MED20: variants seen among roughly 807,000 people sequenced by gnomAD.
MED20 encodes the protein mediator complex subunit 20.
In MED20, 19 loss-of-function variants were observed where a neutral mutation model predicts 19.7. The ratio of observed to expected loss-of-function variants is 0.96; its 90% CI spans 0.67 to 1.42. The LOEUF is 1.42. Among genes scored for constraint, MED20 ranks in the 40% most tolerant of loss-of-function variants. The probability of loss-of-function intolerance (pLI) is 0.00; values close to 1 mark genes in which losing one functional copy is unlikely to be tolerated. For missense variants in MED20, 225 were observed against 273.0 expected (o/e 0.82, Z 1.24); for synonymous variants, 105 against 104.8 (o/e 1.00, Z -0.01).
chr6:41,909,598 C>T, intron 2 of MED20, 76 bp from the exon 3 acceptor site: 1 of 1,567,928 alleles, frequency 6.4e-7, no homozygotes, highest in Non-Finnish European at 8.7e-7. Context: ...ATGACTCCCC[C>T]CGGAATGAGG....
chr6:41,915,558 C>G (rs1229213123), intron 2 of MED20, among the ~76,000 whole-genome samples: 3 of 152,058 alleles, frequency 2.0e-5, no homozygotes, highest in Non-Finnish European at 4.4e-5. Flanking sequence ...GAGGCCGAGG[C>G]GGGTGGATCA....
rs780272225 is a variant in MED20 at position 41,907,292 on chromosome 6, G to A, written c.424-5C>T. ...CACACAGGGGCCATACTCCACCTGG[G>A]AACCAAAAGCACAGAGAATGAGGGT... On this transcript the variant is annotated splice_region_variant and splice_polypyrimidine_tract_variant and intron_variant, in intron 3 of 3. Transcript: ENST00000265350. The A allele has an allele frequency of 6.2e-7, 1 of 1,607,880 alleles. No homozygotes were observed. Among genetic ancestry groups the A allele is most frequent in the Non-Finnish European group, 8.5e-7 (1 of 1,177,072 alleles).
intron 3 of MED20, among the ~76,000 whole-genome samples, chr6:41,907,605 A>T (rs1441991661): frequency 6.6e-6 from 1 of 152,162 alleles, no homozygotes; most frequent in Non-Finnish European, 1.5e-5. Context: ...AGATTCAAGG[A>T]GAGCTCAAGA....
At chr6:41,909,106 C>T (rs1049607617) in intron 3 of MED20, 163 bp downstream of exon 3, 10 of 885,022 alleles carry the variant, frequency 1.1e-5, no homozygotes, top group African/African-American at 6.8e-5. Context: ...CCCTGGAGGT[C>T]GAGGCTACAG....
Position 41,916,914 on chromosome 6 carries a change from C to G in MED20, c.40G>C (p.Gly14Arg). 6.2e-7 allele frequency: 1 copy of G among 1,613,998 alleles called. No homozygotes were observed. Among genetic ancestry groups the G allele is most frequent in the Non-Finnish European group, 8.5e-7 (1 of 1,179,964 alleles). Residue 14 changes from glycine to arginine, a missense_variant, in exon 2 of 4, where the codon GGC becomes CGC. Physicochemically the swap from Gly to Arg is moderately radical, Grantham distance 125. Coordinates refer to ENST00000265350, the MANE Select transcript of MED20 (RefSeq NM_004275.5). ...TCVSQMPVAE[G>R]KSVQQTVELL... Reference sequence around the variant, plus strand: ...TCTACGGTTTGCTGAACACTCTTGCCCTCGGCCACAGGCATCTGGGACACA... The same window carrying G: ...TCTACGGTTTGCTGAACACTCTTGCGCTCGGCCACAGGCATCTGGGACACA...
In MED20 at chr6:41,909,427, T is replaced by C. The variant is rs1775135450; in HGVS notation, c.265A>G (p.Thr89Ala). Reference protein sequence around the residue: ...FENGPCLIADTNFDVLMVKLK... With the variant: ...FENGPCLIADANFDVLMVKLK... ...TTCACCATAAGCACATCAAAGTTGG[T>C]GTCAGCAATAAGGCAAGGGCCATTC... Residue 89 changes from threonine (T) to alanine (A), a missense_variant, in exon 3 of 4, where the codon ACC (threonine) becomes GCC (alanine). By Grantham distance (58) the Thr-to-Ala change is moderately conservative (BLOSUM62 0). Transcript: ENST00000265350. 20 of 1,614,074 alleles carry C rather than the reference T, an allele frequency of 1.2e-5. No individual in the cohort carries two copies. Among genetic ancestry groups the C allele is most frequent in the Non-Finnish European group, 1.7e-5 (20 of 1,180,056 alleles).
chr6:41,921,105 A>G lies in MED20; in HGVS notation c.-87T>C, dbSNP rs1389328812. Reference sequence around the variant, plus strand: ...ACAGAAACTCCTTCAGTTCCCCAACACAACCTTCTGTCTCAGAAGGGACTC... The same window carrying G: ...ACAGAAACTCCTTCAGTTCCCCAACGCAACCTTCTGTCTCAGAAGGGACTC... On this transcript the variant is annotated 5_prime_UTR_variant, in exon 1 of 4. Coordinates refer to ENST00000265350, the MANE Select transcript of MED20 (RefSeq NM_004275.5). The G allele has an allele frequency of 1.3e-6, 2 of 1,552,610 alleles. No individual in the cohort carries two copies. The highest frequency in any genetic ancestry group is 8.8e-7 in the Non-Finnish European group (1 of 1,136,980).
At chr6:41,914,615 C>T (rs1775269551) in intron 2 of MED20, among the ~76,000 whole-genome samples, 2 of 141,070 alleles carry the variant, frequency 1.4e-5, no homozygotes, top group Non-Finnish European at 3.1e-5. Flanking sequence ...TAACTCATAT[C>T]CAAAGAGTCT....
chr6:41,921,037 T>TG lies in MED20; in HGVS notation c.-20dup. 1 of 1,611,824 alleles carries TG rather than the reference T, an allele frequency of 6.2e-7. No individual in the cohort carries two copies. The highest frequency in any genetic ancestry group is 8.5e-7 in the Non-Finnish European group (1 of 1,178,898). ...CTCCCATGGCGTCGGGCCAGGAAGGTGGCAGAATCACACAGTAGAAACGCA... is the reference window on the plus strand; with the variant it reads ...CTCCCATGGCGTCGGGCCAGGAAGGTGGGCAGAATCACACAGTAGAAACGCA... On this transcript the variant is annotated 5_prime_UTR_variant, in exon 1 of 4. Coordinates refer to ENST00000265350, the MANE Select transcript of MED20 (RefSeq NM_004275.5).
At chr6:41,913,634 T>G (rs1202226115) in intron 2 of MED20, among the ~76,000 whole-genome samples, 1 of 152,216 alleles carries the variant, frequency 6.6e-6, no homozygotes, top group Non-Finnish European at 1.5e-5. Context: ...GTGCAGTGGC[T>G]CATGCCTGTA....
intron 1 of MED20, among the ~76,000 whole-genome samples, chr6:41,918,673 C>T (rs565417492): frequency 9.9e-5 from 15 of 151,864 alleles, no homozygotes; most frequent in Non-Finnish European, 1.3e-4. Context: ...AATGGCCGGG[C>T]GCGGTGGCTC....
At chr6:41,920,716 A>G in intron 1 of MED20, 1 of 332,524 alleles carries the variant, frequency 3.0e-6, no homozygotes, top group Non-Finnish European at 5.5e-6. Flanking sequence ...TGTTGCAGTG[A>G]GCCAAGATCG....
intron 1 of MED20, chr6:41,917,563 C>T (rs1388817715): frequency 3.0e-6 from 1 of 336,614 alleles, no homozygotes; most frequent in Non-Finnish European, 6.0e-6. Flanking sequence ...GACCACAGTC[C>T]CTGAGAGCCC....
Position 41,921,094 on chromosome 6 carries a change from A to G in MED20, c.-76T>C. 3 of 1,579,802 alleles carry G rather than the reference A, an allele frequency of 1.9e-6. No individual in the cohort carries two copies. Among genetic ancestry groups the G allele is most frequent in the Admixed American group, 1.8e-5 (1 of 56,888 alleles). On this transcript the variant is annotated 5_prime_UTR_variant, in exon 1 of 4. Transcript: ENST00000265350. The stretch of plus-strand genomic sequence containing the variant: ...CCTGTCCGCCCACAGAAACTCCTTC[A>G]GTTCCCCAACACAACCTTCTGTCTC...
chr6:41,912,823 A>G (rs773429471), intron 2 of MED20, among the ~76,000 whole-genome samples: 3 of 152,078 alleles, frequency 2.0e-5, no homozygotes, highest in Non-Finnish European at 4.4e-5. Flanking sequence ...TTAGAAATGC[A>G]AATTACAGCC....
chr6:41,906,845 A>C lies in MED20; in HGVS notation c.*227T>G. 1.8e-6 allele frequency: 1 copy of C among 547,590 alleles called. No homozygotes were observed. Among genetic ancestry groups the C allele is most frequent in the Non-Finnish European group, 3.3e-6 (1 of 305,678 alleles). 33.9% of individuals were successfully genotyped at this position (547,590 alleles called of 1,614,324 possible). Reference sequence around the variant, plus strand: ...AATTACCATTCTTGAGGACAGGCCAAATCCAGTAAGGCACGGAGTAAAACA... The same window carrying C: ...AATTACCATTCTTGAGGACAGGCCACATCCAGTAAGGCACGGAGTAAAACA... On this transcript the variant is annotated 3_prime_UTR_variant, in exon 4 of 4. Transcript: ENST00000265350.
intron 1 of MED20, chr6:41,917,570 GC>G (rs1775347358): frequency 3.0e-6 from 1 of 338,748 alleles, no homozygotes; most frequent in Non-Finnish European, 6.0e-6. Context: ...GTCCCTGAGA[GC>G]CCCTCTAAGA....
In MED20 at chr6:41,906,207, A is replaced by G. The variant is rs1775041809; in HGVS notation, c.*865T>C. The G allele has an allele frequency of 6.6e-6, 1 of 152,236 alleles. No homozygotes were observed. Among genetic ancestry groups the G allele is most frequent in the Non-Finnish European group, 1.5e-5 (1 of 68,054 alleles). 9.4% of individuals were successfully genotyped at this position (152,236 alleles called of 1,614,324 possible). A position where few individuals can be genotyped will look rare whatever the true frequency, so the allele number is the denominator to read the frequency against. On this transcript the variant is annotated 3_prime_UTR_variant, in exon 4 of 4. Coordinates refer to ENST00000265350, the MANE Select transcript of MED20 (RefSeq NM_004275.5). ...GGCCACAGTGATCTGAGCAATGCTC[A>G]GTCATATCTTTTTTTTAAAATCTGC...
At chr6:41,918,816 G>A (rs1327378349) in intron 1 of MED20, among the ~76,000 whole-genome samples, 14 of 149,902 alleles carry the variant, frequency 9.3e-5, no homozygotes, top group Non-Finnish European at 1.3e-4. Flanking sequence ...GCGCGGTGGC[G>A]GGCGCCTGTA....
Sources: allele counts gnomAD v4.1 joint callset (sites outside exome capture counted in the v4.1 genomes callset), GRCh38; gene constraint gnomAD v4.1.1; transcripts MANE v1.5; gene names NCBI Gene and HGNC (gene_info 2026-07-23, HGNC 2026-07-21).